USP25: variants seen among roughly 807,000 people sequenced by gnomAD.
The protein encoded by USP25 is ubiquitin carboxyl-terminal hydrolase 25.
A neutral mutation model predicts 158.5 loss-of-function variants in USP25; 85 were observed. The observed-to-expected ratio is 0.54, with a 90% CI of 0.45 to 0.64. USP25 has a LOEUF of 0.64. Ranked by LOEUF, USP25 falls within the 30% of genes least tolerant of loss-of-function variation. The pLI, the probability that USP25 is intolerant of heterozygous loss-of-function variation, is 0.00. For synonymous variants in USP25, 464 were observed against 460.4 expected, an observed-to-expected ratio of 1.01 and a Z score of -0.10; for missense variants, 1,242 against 1,327.3, an observed-to-expected ratio of 0.94 and a Z score of 1.00.
chr21:15,752,560 T>C (rs1373845194), intron 1 of USP25, among the ~76,000 whole-genome samples: 1 of 152,130 alleles, frequency 6.6e-6, no homozygotes, highest in Non-Finnish European at 1.5e-5. Context: ...GCAGATATGG[T>C]TGAAAGGTTG....
At chr21:15,877,773 T>C in intron 24 of USP25, 23 bp from the exon 25 acceptor site, 1 of 1,542,196 alleles carries the variant, frequency 6.5e-7, no homozygotes, top group Non-Finnish European at 8.7e-7. Context: ...CCTATTCTTT[T>C]TTTTTTCCTG....
chr21:15,865,699 C>A (rs1453690714), intron 21 of USP25, among the ~76,000 whole-genome samples: 1 of 152,110 alleles, frequency 6.6e-6, no homozygotes, highest in Non-Finnish European at 1.5e-5. Context: ...ACTTTTCAGT[C>A]TTTTGCAGTT....
chr21:15,831,564 G>T lies in USP25; in HGVS notation c.1928G>T (p.Gly643Val). ...GAGCTAGTGAGGGACTCTTTTGGTG[G>T]TTATAGAAATGCCAGTGCATACTGT... ...WEELVRDSFG[G>V]YRNASAYCLM... Residue 643 changes from glycine (G) to valine (V), a missense_variant, in exon 16 of 26, where the codon GGT becomes GTT. Coordinates refer to ENST00000400183, the MANE Select transcript of USP25 (RefSeq NM_001283041.3). 6.2e-7 allele frequency: 1 copy of T among 1,614,004 alleles called. No homozygotes were observed. Among genetic ancestry groups the T allele is most frequent in the Non-Finnish European group, 8.5e-7 (1 of 1,179,936 alleles).
At chr21:15,788,405 A>G (rs2035413467) in intron 4 of USP25, among the ~76,000 whole-genome samples, 1 of 152,138 alleles carries the variant, frequency 6.6e-6, no homozygotes, top group African/African-American at 2.4e-5. Context: ...CAGTCAATCA[A>G]TAACCAAGAA....
intron 20 of USP25, among the ~76,000 whole-genome samples, chr21:15,857,043 C>G (rs1009376395): frequency 6.6e-6 from 1 of 152,216 alleles, no homozygotes. Flanking sequence ...CTGTCTCCTA[C>G]TAGCTGTTAC....
intron 3 of USP25, among the ~76,000 whole-genome samples, chr21:15,771,190 T>A (rs903987031): frequency 6.6e-6 from 1 of 152,106 alleles, no homozygotes; most frequent in African/African-American, 2.4e-5. Flanking sequence ...ACAAACAGTA[T>A]CAGATAGTAA....
At chr21:15,800,073 G>A (rs2146251170) in intron 6 of USP25, among the ~76,000 whole-genome samples, 1 of 151,066 alleles carries the variant, frequency 6.6e-6, no homozygotes, top group East Asian at 1.9e-4. Context: ...TGTCGCTTTA[G>A]TAATTTTTTT....
chr21:15,739,916 T>G (rs1459269950), intron 1 of USP25, among the ~76,000 whole-genome samples: 1 of 152,180 alleles, frequency 6.6e-6, no homozygotes, highest in Non-Finnish European at 1.5e-5. Flanking sequence ...TCATGACATC[T>G]TGTTTTATGT....
chr21:15,773,924 A>G (rs556171027), intron 3 of USP25, among the ~76,000 whole-genome samples: 2 of 152,334 alleles, frequency 1.3e-5, no homozygotes, highest in African/African-American at 2.4e-5. Context: ...GAGGAGAACT[A>G]GAGTCTCCAA....
At chr21:15,775,597 A>G (rs2034593487) in intron 3 of USP25, among the ~76,000 whole-genome samples, 1 of 152,136 alleles carries the variant, frequency 6.6e-6, no homozygotes, top group African/African-American at 2.4e-5. Context: ...TGGAAATTGG[A>G]ATGCAAAGTC....
intron 17 of USP25, among the ~76,000 whole-genome samples, chr21:15,836,249 A>G (rs1052388638): frequency 1.3e-5 from 2 of 152,212 alleles, no homozygotes; most frequent in African/African-American, 2.4e-5. Flanking sequence ...TTCAATTTCT[A>G]CTGAGTGATA....
At chr21:15,780,577 C>T (rs1451970754) in intron 4 of USP25, among the ~76,000 whole-genome samples, 2 of 152,172 alleles carry the variant, frequency 1.3e-5, no homozygotes, top group South Asian at 2.1e-4. Context: ...AAAGAGCACG[C>T]ACCTTCAACA....
At chr21:15,808,070 A>G (rs1021965710) in intron 7 of USP25, among the ~76,000 whole-genome samples, 1 of 152,174 alleles carries the variant, frequency 6.6e-6, no homozygotes, top group Non-Finnish European at 1.5e-5. Context: ...ATTTGGGGCT[A>G]TTTTGGTAAG....
chr21:15,872,569 T>G (rs1461380765), intron 23 of USP25, among the ~76,000 whole-genome samples: 1 of 152,214 alleles, frequency 6.6e-6, no homozygotes, highest in Non-Finnish European at 1.5e-5. Flanking sequence ...ACTTTTAATA[T>G]TATCACTTCC....
chr21:15,765,009 C>T (rs928592959), intron 2 of USP25, among the ~76,000 whole-genome samples: 1 of 151,954 alleles, frequency 6.6e-6, no homozygotes. Context: ...GTCTTCTGCC[C>T]TTTCTCTCCT....
At chr21:15,830,624 A>G (rs752647704) in intron 15 of USP25, 23 bp downstream of exon 15, 1 of 1,495,586 alleles carries the variant, frequency 6.7e-7, no homozygotes, top group South Asian at 1.3e-5. Flanking sequence ...TTGAGCTAGT[A>G]ATCATTGTCA....
At chr21:15,768,216 G>A (rs181846802) in intron 3 of USP25, among the ~76,000 whole-genome samples, 174 of 152,170 alleles carry the variant, frequency 1.1e-3, no homozygotes, top group African/African-American at 4.0e-3. Flanking sequence ...CACATAATAC[G>A]TAATATGTAT....
chr21:15,829,899 G>C (rs2037714007), intron 14 of USP25, among the ~76,000 whole-genome samples: 2 of 152,092 alleles, frequency 1.3e-5, no homozygotes, highest in Non-Finnish European at 1.5e-5. Flanking sequence ...TTCTTTTATA[G>C]TTTTTCAAGG....
Position 15,831,442 on chromosome 21 carries a change from AGCTAATGCTGG to A in USP25, c.1809_1819del (p.Asn604LeufsTer7). ...ATGCCGTTTTAGTTCACGAAGGCCA[AGCTAATGCTGG>A]GCACTACTGGGCATATATTTTTGAT... On this transcript the variant is annotated frameshift_variant, in exon 16 of 26. Transcript: ENST00000400183. LOFTEE classifies it high-confidence loss of function. 1 of 1,614,102 alleles carries A rather than the reference AGCTAATGCTGG, an allele frequency of 6.2e-7. No individual in the cohort carries two copies. Among genetic ancestry groups the A allele is most frequent in the Non-Finnish European group, 8.5e-7 (1 of 1,179,974 alleles).
Sources: gnomAD v4.1 joint callset for allele counts (sites outside exome capture counted in the v4.1 genomes callset) on GRCh38, gnomAD v4.1.1 for gene constraint, MANE v1.5 for transcripts, NCBI Gene and HGNC (gene_info 2026-07-23, HGNC 2026-07-21) for gene names.